Variants in CAMSAP1 observed in about 807,000 individuals in gnomAD.
The protein encoded by CAMSAP1 is calmodulin-regulated spectrin-associated protein 1.
In CAMSAP1, 58 loss-of-function variants were observed where a neutral mutation model predicts 143.5. The ratio of observed to expected loss-of-function variants is 0.40; its 90% confidence interval spans 0.33 to 0.50. CAMSAP1 has a LOEUF of 0.50. CAMSAP1 is among the 20% of genes least tolerant of loss of function. The pLI, the probability that CAMSAP1 is intolerant of heterozygous loss-of-function variation, is 0.45. For synonymous variants in CAMSAP1, 945 were observed against 859.3 expected, an observed-to-expected ratio of 1.10 and a Z score of -1.74; for missense variants, 1,969 against 2,115.7, an observed-to-expected ratio of 0.93 and a Z score of 1.36.
intron 1 of CAMSAP1, among the ~76,000 whole-genome samples, chr9:135,893,328 G>T (rs1177231089): frequency 1.6e-5 from 2 of 126,704 alleles, no homozygotes; most frequent in Non-Finnish European, 3.4e-5. Context: ...AAAGGAGAAA[G>T]GAAAAAACAA....
Position 135,818,673 on chromosome 9 carries a change from T to C in CAMSAP1, c.3960-57A>G. The C allele has an allele frequency of 6.4e-7, 1 of 1,568,794 alleles. No individual in the cohort carries two copies. Among genetic ancestry groups the C allele is most frequent in the Non-Finnish European group, 8.7e-7 (1 of 1,152,182 alleles). The stretch of plus-strand genomic sequence containing the variant: ...GTCACGGGGCTTCTTCCACGACGCC[T>C]GCGCCGCGGCGCTCTGTCCAGGCGC... On this transcript the variant is annotated intron_variant, in intron 12 of 16. Coordinates refer to ENST00000389532, the MANE Select transcript of CAMSAP1 (RefSeq NM_015447.4). This position sits in a 1 kb window ranked among gnomAD's most constrained non-coding sequence, Gnocchi z 7.7.
chr9:135,853,678 C>T (rs1010836547), intron 5 of CAMSAP1, among the ~76,000 whole-genome samples: 10 of 152,348 alleles, frequency 6.6e-5, no homozygotes, highest in African/African-American at 2.4e-4. Flanking sequence ...CAAGAGAATG[C>T]TCATAGGGAG....
chr9:135,884,455 A>C (rs1241316815), intron 1 of CAMSAP1, among the ~76,000 whole-genome samples: 3 of 151,996 alleles, frequency 2.0e-5, no homozygotes, highest in African/African-American at 7.2e-5. Flanking sequence ...TTTCCCCACA[A>C]TCTGAGCACC....
intron 1 of CAMSAP1, among the ~76,000 whole-genome samples, chr9:135,895,730 C>CAGTG (rs1838426524): frequency 6.6e-6 from 1 of 152,062 alleles, no homozygotes; most frequent in Non-Finnish European, 1.5e-5. Context: ...ATGGTCAAGA[C>CAGTG]AGTGGTATTT....
chr9:135,883,091 G>A lies in CAMSAP1; in HGVS notation c.161-13C>T. 6.4e-7 allele frequency: 1 copy of A among 1,551,302 alleles called. No homozygotes were observed. On this transcript the variant is annotated splice_polypyrimidine_tract_variant and intron_variant, in intron 1 of 16. Coordinates refer to ENST00000389532, the MANE Select transcript of CAMSAP1 (RefSeq NM_015447.4). ...TCAGGGATGTTATCTAAGACAGGGA[G>A]GGGATGACCAGGTGAGTGCCACACA... is the stretch of plus-strand genomic sequence containing the variant.
Position 135,824,951 on chromosome 9 carries a change from G to C in CAMSAP1, c.1224-71C>G. Reference sequence around the variant, plus strand: ...TTCAAGGTCAACAGCAAATGCACAAGTGTACAGGACCATCCTGAATTCACA... The same window carrying C: ...TTCAAGGTCAACAGCAAATGCACAACTGTACAGGACCATCCTGAATTCACA... On this transcript the variant is annotated intron_variant, in intron 8 of 16. Transcript: ENST00000389532. The surrounding 1 kb of genome is among the most constrained non-coding windows in gnomAD (Gnocchi z 4.1). The C allele has an allele frequency of 8.3e-7, 1 of 1,209,950 alleles. No homozygotes were observed. Among genetic ancestry groups the C allele is most frequent in the Non-Finnish European group, 1.2e-6 (1 of 847,638 alleles). The allele number at this position is 1,209,950 out of a possible 1,614,324, so 75.0% of individuals were successfully genotyped here.
chr9:135,822,564 G>A lies in CAMSAP1; in HGVS notation c.2097C>T (p.Gly699=), dbSNP rs1835514558. The A allele has an allele frequency of 3.1e-6, 5 of 1,613,676 alleles. No homozygotes were observed. Among genetic ancestry groups the A allele is most frequent in the Non-Finnish European group, 4.2e-6 (5 of 1,179,854 alleles). The change falls in exon 11 of 17, where the codon GGC becomes GGT. Residue 699 remains glycine, a synonymous_variant. Transcript: ENST00000389532. This position sits in a 1 kb window ranked among gnomAD's most constrained non-coding sequence, Gnocchi z 6.1. ...CGGCCCTGCCTACATGAAGGAAGAA[G>A]CCATCCGTGGATGGTCCCTGGGGGA... ...DPFPQGPSTD[G]FFLHVGRADE...
At chr9:135,838,226 C>T (rs1230421011) in intron 7 of CAMSAP1, among the ~76,000 whole-genome samples, 4 of 147,104 alleles carry the variant, frequency 2.7e-5, no homozygotes, top group African/African-American at 7.6e-5. Flanking sequence ...TACAGACACA[C>T]GTCATCACGC....
At chr9:135,846,101 G>A (rs1163924104) in intron 7 of CAMSAP1, among the ~76,000 whole-genome samples, 2 of 145,454 alleles carry the variant, frequency 1.4e-5, no homozygotes, top group Non-Finnish European at 3.0e-5. Context: ...AAACGAAGCT[G>A]GAGGCATCAT....
rs529460846 is a variant in CAMSAP1 at position 135,837,577 on chromosome 9, G to A, written c.1046-9993C>T. Among the ~76,000 whole-genome samples, 209 of 133,068 alleles carry A rather than the reference G, an allele frequency of 1.6e-3. 2 individuals are homozygous for A. The highest frequency in any genetic ancestry group is 5.6e-3 in the African/African-American group (193 of 34,410). 87.3% of individuals were successfully genotyped at this position (133,068 alleles called of 152,430 possible). On this transcript the variant is annotated intron_variant, in intron 7 of 16. Transcript: ENST00000389532. ...CACACATCATCACGCACTTTCTACC[G>A]GTTCTACAGACACATGTCATCCGCA...
At chr9:135,819,956 G>A (rs976853119) in intron 11 of CAMSAP1, among the ~76,000 whole-genome samples, 3 of 152,222 alleles carry the variant, frequency 2.0e-5, no homozygotes, top group Non-Finnish European at 4.4e-5. Context: ...TCCACCTGAT[G>A]ATTTGGTATC....
At chr9:135,866,403 T>A in intron 4 of CAMSAP1, 53 bp downstream of exon 4, 2 of 879,156 alleles carry the variant, frequency 2.3e-6, no homozygotes, top group Admixed American at 4.2e-5. Flanking sequence ...TTCTTTAAAA[T>A]TGGGACCAAC....
Position 135,907,034 on chromosome 9 carries a change from G to A in CAMSAP1, c.126C>T (p.Asn42=). The A allele has an allele frequency of 8.3e-7, 1 of 1,200,134 alleles. No homozygotes were observed. Among genetic ancestry groups the A allele is most frequent in the Non-Finnish European group, 1.0e-6 (1 of 955,058 alleles). 74.3% of individuals were successfully genotyped at this position (1,200,134 alleles called of 1,614,324 possible). A position where few individuals can be genotyped will look rare whatever the true frequency, so the allele number is the denominator to read the frequency against. ...AGGCCTTGGCGCAGATCCACTGCAG[G>A]TTGGCGGCGATCTTGGCGCGCGCCG... is the stretch of plus-strand genomic sequence containing the variant. ...YDAARAKIAA[N]LQWICAKAYG... The change falls in exon 1 of 17, where the codon AAC becomes AAT. Residue 42 remains asparagine (N), a synonymous_variant. Transcript: ENST00000389532.
At chr9:135,869,241 A>C (rs1588489406) in intron 3 of CAMSAP1, among the ~76,000 whole-genome samples, 1 of 151,952 alleles carries the variant, frequency 6.6e-6, no homozygotes, top group East Asian at 1.9e-4. Flanking sequence ...GGTGGCTCAC[A>C]CCTGTAATCC....
chr9:135,867,424 C>T (rs182476531), intron 3 of CAMSAP1, among the ~76,000 whole-genome samples: 2 of 151,422 alleles, frequency 1.3e-5, no homozygotes, highest in East Asian at 3.9e-4. Flanking sequence ...GCACGAAGAT[C>T]ACTTGAGTCC....
rs1238189910 is a variant in CAMSAP1 at position 135,862,377 on chromosome 9, T to C, written c.808+90A>G. Reference sequence around the variant, plus strand: ...TAAGGATTCCATTTTCTTTCTCTTTTTTTTTTTTAATATATATGTGGATCA... The same window carrying C: ...TAAGGATTCCATTTTCTTTCTCTTTCTTTTTTTTAATATATATGTGGATCA... On this transcript the variant is annotated intron_variant, in intron 5 of 16. Coordinates refer to ENST00000389532, the MANE Select transcript of CAMSAP1 (RefSeq NM_015447.4). The C allele has an allele frequency of 8.1e-6, 11 of 1,362,452 alleles. No individual in the cohort carries two copies. The East Asian group carries it at 2.5e-4, about 31-fold the overall frequency. The allele number at this position is 1,362,452 out of a possible 1,614,324, so 84.4% of individuals were successfully genotyped here.
At chr9:135,851,188 G>C (rs1430720771) in intron 5 of CAMSAP1, among the ~76,000 whole-genome samples, 1 of 152,174 alleles carries the variant, frequency 6.6e-6, no homozygotes, top group Non-Finnish European at 1.5e-5. Flanking sequence ...GTGCAGCTCA[G>C]GACTCCGTGA....
chr9:135,858,000 C>T (rs948513930), intron 5 of CAMSAP1, among the ~76,000 whole-genome samples: 3 of 152,148 alleles, frequency 2.0e-5, no homozygotes, highest in African/African-American at 7.2e-5. Flanking sequence ...CAAAGTGAAC[C>T]TGAGCTCTCA....
intron 7 of CAMSAP1, among the ~76,000 whole-genome samples, chr9:135,839,327 C>T (rs942959186): frequency 6.6e-6 from 1 of 152,200 alleles, no homozygotes; most frequent in Non-Finnish European, 1.5e-5. Context: ...TTCCTCCCAA[C>T]AATGCCCAGT....
Sources: allele counts gnomAD v4.1 joint callset (sites outside exome capture counted in the v4.1 genomes callset), GRCh38; gene constraint gnomAD v4.1.1; non-coding constraint Gnocchi (gnomAD v3.1); transcripts MANE v1.5; gene names NCBI Gene and HGNC (gene_info 2026-07-23, HGNC 2026-07-21).